The following LDLRAD4 variants were observed in gnomAD, a reference collection of about 807,000 sequenced individuals.
The protein encoded by LDLRAD4 is low-density lipoprotein receptor class A domain-containing protein 4.
In LDLRAD4, 5 loss-of-function variants were observed where a neutral mutation model predicts 17.0. The ratio of observed to expected loss-of-function variants is 0.29; its 90% CI spans 0.15 to 0.62. The LOEUF (loss-of-function observed/expected upper bound fraction) is 0.62, where lower values mean the gene tolerates loss of function less well. Ranked by LOEUF, LDLRAD4 falls within the 20% of genes least tolerant of loss-of-function variation. The pLI, the probability that LDLRAD4 is intolerant of heterozygous loss-of-function variation, is 0.84. For synonymous variants in LDLRAD4, 168 were observed against 171.8 expected (o/e 0.98, Z 0.17); for missense variants, 340 against 424.7 (o/e 0.80, Z 1.75).
chr18:13,224,544 A>G (rs568694636), intron 1 of LDLRAD4, among the ~76,000 whole-genome samples: 10 of 139,006 alleles, frequency 7.2e-5, no homozygotes, highest in African/African-American at 2.4e-4. Flanking sequence ...CAGTGGCGCA[A>G]TCTCGGCCCA....
chr18:13,645,587 A>G lies in LDLRAD4; in HGVS notation c.851A>G (p.Gln284Arg), dbSNP rs1291482835. 6 of 1,594,178 alleles carry G rather than the reference A, an allele frequency of 3.8e-6. No individual in the cohort carries two copies. Among genetic ancestry groups the G allele is most frequent in the Non-Finnish European group, 5.1e-6 (6 of 1,171,022 alleles). The change falls in exon 6 of 6, where the codon CAG becomes CGG. Residue 284 changes from glutamine (Q) to arginine (R), a missense_variant. Gln to Arg is a conservative substitution (Grantham distance 43). Coordinates refer to ENST00000359446, the Ensembl canonical transcript of LDLRAD4. The surrounding 1 kb of genome is among the most constrained non-coding windows in gnomAD (Gnocchi z 5.7). The stretch of plus-strand genomic sequence containing the variant: ...CACAGGGGCAGCAGACTGCAGTTTC[A>G]GCAGAACAATGCAGAGAGCACAATA...
chr18:13,366,559 G>T (rs12456859), intron 1 of LDLRAD4, among the ~76,000 whole-genome samples: 44,968 of 152,090 alleles, frequency 0.3, 6,712 homozygotes, highest in South Asian at 0.36. Context: ...GGAGATCAGG[G>T]TCTGGAATGT....
At chr18:13,446,066 T>G (rs1462755526) in intron 3 of LDLRAD4, among the ~76,000 whole-genome samples, 1 of 152,164 alleles carries the variant, frequency 6.6e-6, no homozygotes, top group Non-Finnish European at 1.5e-5. Flanking sequence ...GTAAGCATCA[T>G]CTATTGGAGG....
chr18:13,253,956 G>A (rs577629396), intron 1 of LDLRAD4, among the ~76,000 whole-genome samples: 87 of 152,374 alleles, frequency 5.7e-4, no homozygotes, highest in African/African-American at 1.9e-3. Context: ...AGCCGAGGCC[G>A]CAGAAGGCCC....
intron 1 of LDLRAD4, among the ~76,000 whole-genome samples, chr18:13,309,585 G>A (rs2047111958): frequency 6.6e-6 from 1 of 152,158 alleles, no homozygotes; most frequent in South Asian, 2.1e-4. Context: ...CATGTTGAAG[G>A]CCATAAAGGA....
chr18:13,358,224 G>A (rs1228253889), intron 1 of LDLRAD4, among the ~76,000 whole-genome samples: 2 of 152,008 alleles, frequency 1.3e-5, no homozygotes, highest in African/African-American at 4.8e-5. Flanking sequence ...ATTGTTTTTA[G>A]GACTTTTTAG....
At chr18:13,283,334 T>C (rs1302125734) in intron 1 of LDLRAD4, among the ~76,000 whole-genome samples, 1 of 152,270 alleles carries the variant, frequency 6.6e-6, no homozygotes, top group African/African-American at 2.4e-5. Flanking sequence ...TTTTATGCTC[T>C]GCTTCCCTTA....
chr18:13,282,543 A>G (rs1017042501), intron 1 of LDLRAD4, among the ~76,000 whole-genome samples: 1 of 152,200 alleles, frequency 6.6e-6, no homozygotes, highest in Non-Finnish European at 1.5e-5. Flanking sequence ...TAAAGCTTCA[A>G]AATGATCTCC....
chr18:13,626,308 G>A (rs1049513982), intron 4 of LDLRAD4, among the ~76,000 whole-genome samples: 2 of 152,174 alleles, frequency 1.3e-5, no homozygotes, highest in Non-Finnish European at 2.9e-5. Context: ...AAAGGGGCAT[G>A]AATATTCTAG....
intron 3 of LDLRAD4, among the ~76,000 whole-genome samples, chr18:13,467,878 A>G (rs2092667484): frequency 6.6e-6 from 1 of 152,258 alleles, no homozygotes; most frequent in Non-Finnish European, 1.5e-5. Flanking sequence ...CTCCAAGTCC[A>G]TTTAATGGGA....
chr18:13,269,111 C>T (rs2044378645), intron 1 of LDLRAD4, among the ~76,000 whole-genome samples: 1 of 152,170 alleles, frequency 6.6e-6, no homozygotes, highest in African/African-American at 2.4e-5. Flanking sequence ...ATGAAACCCA[C>T]AAGAATGAGG....
At chr18:13,434,221 G>T (rs2090516516) in intron 2 of LDLRAD4, among the ~76,000 whole-genome samples, 1 of 150,180 alleles carries the variant, frequency 6.7e-6, no homozygotes. Flanking sequence ...AAAGTCTGTT[G>T]TTGACTCTGG....
intron 3 of LDLRAD4, among the ~76,000 whole-genome samples, chr18:13,525,814 G>A (rs1376658793): frequency 2.6e-5 from 4 of 152,194 alleles, no homozygotes; most frequent in African/African-American, 9.7e-5. Flanking sequence ...ACTCTAGGGG[G>A]CGGAATGACC....
chr18:13,504,341 G>T (rs1004185968), intron 3 of LDLRAD4, among the ~76,000 whole-genome samples: 1 of 152,254 alleles, frequency 6.6e-6, no homozygotes, highest in Non-Finnish European at 1.5e-5. Flanking sequence ...TTTAAGACAA[G>T]TGTCCACGGT....
intron 3 of LDLRAD4, among the ~76,000 whole-genome samples, chr18:13,523,731 G>A (rs969389672): frequency 1.3e-5 from 2 of 152,130 alleles, no homozygotes; most frequent in African/African-American, 4.8e-5. Context: ...CCTTTTCTAT[G>A]GGGACCCCTT....
chr18:13,599,972 A>AT (rs1241375554), intron 3 of LDLRAD4, among the ~76,000 whole-genome samples: 1 of 152,152 alleles, frequency 6.6e-6, no homozygotes, highest in African/African-American at 2.4e-5. Context: ...ATTGTTTTGG[A>AT]TTTTATTATA....
At chr18:13,572,473 T>C (rs747349949) in intron 3 of LDLRAD4, among the ~76,000 whole-genome samples, 3 of 152,200 alleles carry the variant, frequency 2.0e-5, no homozygotes, top group African/African-American at 7.2e-5. Flanking sequence ...CTTGGCCTTT[T>C]TACTGATTTT....
intron 3 of LDLRAD4, among the ~76,000 whole-genome samples, chr18:13,439,548 C>T (rs747829071): frequency 6.2e-4 from 95 of 152,324 alleles, no homozygotes; most frequent in Admixed American, 8.5e-4. Context: ...TCAGGCTGGG[C>T]GCGTGCTTGC....
At chr18:13,357,885 A>G (rs2083438624) in intron 1 of LDLRAD4, among the ~76,000 whole-genome samples, 1 of 152,166 alleles carries the variant, frequency 6.6e-6, no homozygotes, top group South Asian at 2.1e-4. Flanking sequence ...TTTTTTACAT[A>G]TAATTATGAA....
Sources: gnomAD v4.1 joint callset for allele counts (sites outside exome capture counted in the v4.1 genomes callset) on GRCh38, gnomAD v4.1.1 for gene constraint, Gnocchi (gnomAD v3.1) non-coding constraint, MANE v1.5 for transcripts, NCBI Gene and HGNC (gene_info 2026-07-23, HGNC 2026-07-21) for gene names.